The following ARHGEF37 variants were observed in gnomAD, a reference collection of about 807,000 sequenced individuals.
ARHGEF37 encodes the protein Rho guanine nucleotide exchange factor (GEF) 37.
ARHGEF37 carries 55 observed loss-of-function variants against 71.1 expected under a neutral mutation model. That is an observed-to-expected ratio of 0.77 (90% confidence interval 0.62 to 0.97). The LOEUF (loss-of-function observed/expected upper bound fraction) is 0.97, where lower values mean the gene tolerates loss of function less well. Ranked by LOEUF, ARHGEF37 falls within the 50% of genes least tolerant of loss-of-function variation. The pLI, the probability that ARHGEF37 is intolerant of heterozygous loss-of-function variation, is 0.00. For synonymous variants in ARHGEF37, 327 were observed against 350.6 expected (o/e 0.93, Z 0.75); for missense variants, 765 against 836.8 (o/e 0.91, Z 1.06).
At chr5:149,585,334 G>A (rs4705353) in intron 1 of ARHGEF37, among the ~76,000 whole-genome samples, 90,853 of 152,030 alleles carry the variant, frequency 0.6, 29,114 homozygotes, top group East Asian at 0.89. Flanking sequence ...ATAGTGAAAC[G>A]GGAAACAAAC....
chr5:149,620,373 C>T lies in ARHGEF37; in HGVS notation c.914C>T (p.Pro305Leu), dbSNP rs377748166. 1.4e-5 allele frequency: 23 copies of T among 1,611,010 alleles called. No individual in the cohort carries two copies. Among genetic ancestry groups the T allele is most frequent in the East Asian group, 4.5e-5 (2 of 44,568 alleles). Reference protein sequence around the residue: ...DNLQAFLYFRPHEYNLDIPEG... With the variant: ...DNLQAFLYFRLHEYNLDIPEG... ...GTCCAGGCTTTCCTCTACTTCAGGC[C>T]GCACGAATACAATCTGGACATCCCC... is the stretch of plus-strand genomic sequence containing the variant. The change falls in exon 8 of 13, where the codon CCG (proline) becomes CTG (leucine). Residue 305 changes from proline (P) to leucine (L), a missense_variant. Physicochemically the swap from Pro to Leu is moderately conservative, Grantham distance 98. Transcript: ENST00000333677.
chr5:149,618,837 G>A (rs1016010415), intron 6 of ARHGEF37, 101 bp from the exon 7 acceptor site: 8 of 929,400 alleles, frequency 8.6e-6, no homozygotes, highest in African/African-American at 6.5e-5. Context: ...TCTGGTGGGC[G>A]AGTCTGTGGA....
At chr5:149,576,699 G>C (rs563246579), upstream of ARHGEF37, among the ~76,000 whole-genome samples, 1 of 152,216 alleles carries the variant, frequency 6.6e-6, no homozygotes, top group African/African-American at 2.4e-5. Context: ...GCTCACACCT[G>C]TAATCCCAGC....
chr5:149,554,922 G>A (rs1762732668), intron 1 of ARHGEF37, among the ~76,000 whole-genome samples: 1 of 152,018 alleles, frequency 6.6e-6, no homozygotes, highest in African/African-American at 2.4e-5. Flanking sequence ...CACAAGGTCA[G>A]GAGTTCGAGA....
chr5:149,553,263 G>T (rs1029260176), intron 1 of ARHGEF37, among the ~76,000 whole-genome samples: 6 of 152,072 alleles, frequency 3.9e-5, no homozygotes. Flanking sequence ...GCTGGGCATG[G>T]TAGCATGTGC....
intron 1 of ARHGEF37, among the ~76,000 whole-genome samples, chr5:149,583,628 A>G (rs1013742067): frequency 5.9e-5 from 9 of 152,238 alleles, no homozygotes; most frequent in African/African-American, 1.4e-4. Flanking sequence ...GCCCTAGATC[A>G]AATAAATGGC....
upstream of ARHGEF37, chr5:149,581,470 C>A (rs1258584822): frequency 6.6e-6 from 1 of 151,840 alleles, no homozygotes; most frequent in Non-Finnish European, 1.5e-5. Context: ...GCTGCGTGGG[C>A]ATAGCCGCGC....
intron 4 of ARHGEF37, among the ~76,000 whole-genome samples, chr5:149,613,456 C>T (rs1295959502): frequency 1.3e-5 from 2 of 151,602 alleles, no homozygotes; most frequent in Admixed American, 1.3e-4. Flanking sequence ...AAGCGATTCT[C>T]CTTCCTCAGC....
intron 4 of ARHGEF37, 78 bp from the exon 5 acceptor site, chr5:149,616,488 AG>A: frequency 7.4e-7 from 1 of 1,360,000 alleles, no homozygotes; most frequent in Admixed American, 2.2e-5. Context: ...GCTAAATGGT[AG>A]AGTGAGGACT....
intron 3 of ARHGEF37, among the ~76,000 whole-genome samples, chr5:149,606,449 A>G (rs1007616377): frequency 6.6e-6 from 1 of 152,180 alleles, no homozygotes; most frequent in Non-Finnish European, 1.5e-5. Context: ...GATGTGTCCC[A>G]ACACAGACCT....
intron 1 of ARHGEF37, among the ~76,000 whole-genome samples, chr5:149,585,350 T>C (rs2113272002): frequency 6.6e-6 from 1 of 152,342 alleles, no homozygotes. Flanking sequence ...CAAACAGTTG[T>C]TTATTCAGTG....
intron 3 of ARHGEF37, among the ~76,000 whole-genome samples, chr5:149,607,163 A>G (rs1330086453): frequency 6.6e-6 from 1 of 152,246 alleles, no homozygotes; most frequent in African/African-American, 2.4e-5. Flanking sequence ...TTGGCCTCCC[A>G]GAATGCTGGG....
Position 149,597,807 on chromosome 5 carries a change from C to T in ARHGEF37, c.38C>T (p.Ser13Leu), listed in dbSNP as rs1219690050. ...KHGADEPSSR[S>L]GSPDREGRAS... Reference sequence around the variant, plus strand: ...GGAGCCGACGAGCCATCCTCCAGGTCAGGGAGTCCGGACAGGGAAGGTAGG... The same window carrying T: ...GGAGCCGACGAGCCATCCTCCAGGTTAGGGAGTCCGGACAGGGAAGGTAGG... The change falls in exon 2 of 13, where the codon TCA becomes TTA. Residue 13 changes from serine to leucine, a missense_variant. By Grantham distance (145) the Ser-to-Leu change is moderately radical (BLOSUM62 -2). Coordinates refer to ENST00000333677, the MANE Select transcript of ARHGEF37 (RefSeq NM_001001669.3). 3.2e-6 allele frequency: 5 copies of T among 1,586,030 alleles called. No individual in the cohort carries two copies. Among genetic ancestry groups the T allele is most frequent in the Non-Finnish European group, 4.3e-6 (5 of 1,168,008 alleles).
In ARHGEF37 at chr5:149,596,179, G is replaced by T. The variant is rs180980476; in HGVS notation, c.-11-1580G>T. Among the ~76,000 whole-genome samples the T allele has an allele frequency of 7.9e-3, 1,197 of 152,176 alleles. 11 individuals are homozygous for T. The highest frequency in any genetic ancestry group is 9.4e-3 in the Non-Finnish European group (636 of 68,004). ...CAATTCCCTGTTTGAGGGCCCTAGT[G>T]ATTTCTTTTCCTCCCTTACAAGATC... On this transcript the variant is annotated intron_variant, in intron 1 of 12. Transcript: ENST00000333677.
chr5:149,587,982 C>T (rs2400884), intron 1 of ARHGEF37, among the ~76,000 whole-genome samples: 40,811 of 149,400 alleles, frequency 0.27, 6,207 homozygotes, highest in African/African-American at 0.41. Flanking sequence ...GTGCAACCTC[C>T]GCCTCCTGGG....
chr5:149,597,269 A>ATTTT lies in ARHGEF37; in HGVS notation c.-11-485_-11-482dup, dbSNP rs1006607873. ...GTCAAGAATTATCTATTAAAAAAAA[A>ATTTT]TTTTTTTTGTAAGAATCTTGCTCTG... On this transcript the variant is annotated intron_variant, in intron 1 of 12. Coordinates refer to ENST00000333677, the MANE Select transcript of ARHGEF37 (RefSeq NM_001001669.3). 3.0e-4 allele frequency among the ~76,000 whole-genome samples: 46 copies of ATTTT among 150,978 alleles called. 1 individual carries two copies. The East Asian group carries it at 5.9e-3, about 19-fold the overall frequency.
Position 149,598,753 on chromosome 5 carries a change from T to TATATATAG in ARHGEF37, c.186+803_186+804insTAGATATA, listed in dbSNP as rs1763654600. On this transcript the variant is annotated intron_variant, in intron 2 of 12. Coordinates refer to ENST00000333677, the MANE Select transcript of ARHGEF37 (RefSeq NM_001001669.3). ...AATAAATCTCATATATATATATCTATATATAGATATAGATATAGATATAGA... is the reference window on the plus strand; with the variant it reads ...AATAAATCTCATATATATATATCTATATATATAGATATAGATATAGATATAGATATAGA... Among the ~76,000 whole-genome samples, 3 of 85,112 alleles carry TATATATAG rather than the reference T, an allele frequency of 3.5e-5. 1 individual carries two copies. Among genetic ancestry groups the TATATATAG allele is most frequent in the African/African-American group, 1.4e-4 (3 of 21,360 alleles). 55.8% of individuals were successfully genotyped at this position (85,112 alleles called of 152,430 possible). A position where few individuals can be genotyped will look rare whatever the true frequency, so the allele number is the denominator to read the frequency against.
intron 5 of ARHGEF37, among the ~76,000 whole-genome samples, chr5:149,617,166 C>T (rs543752644): frequency 6.6e-6 from 1 of 152,350 alleles, no homozygotes; most frequent in South Asian, 2.1e-4. Flanking sequence ...AAAGTTAGGG[C>T]ATCATGAACT....
At position 149,591,644 on chromosome 5, in the gene ARHGEF37, CT is replaced by C. The variant is rs1763410770; in HGVS notation, c.-11-6112del. 2.6e-5 allele frequency among the ~76,000 whole-genome samples: 4 copies of C among 152,324 alleles called. No homozygotes were observed. The South Asian group carries it at 8.3e-4, about 32-fold the overall frequency. On this transcript the variant is annotated intron_variant, in intron 1 of 12. Transcript: ENST00000333677. ...CAGTCGCCGACTTATGATGATTCGA[CT>C]TTATGAATTTTTGACTGTAAGATGG...
Sources: allele counts gnomAD v4.1 joint callset (sites outside exome capture counted in the v4.1 genomes callset), GRCh38; gene constraint gnomAD v4.1.1; transcripts MANE v1.5; gene names NCBI Gene and HGNC (gene_info 2026-07-23, HGNC 2026-07-21).